OMA1: variants seen among roughly 807,000 people sequenced by gnomAD.
OMA1 encodes the protein OMA1 zinc metallopeptidase.
A neutral mutation model predicts 30.9 loss-of-function variants in OMA1; 38 were observed. That is an observed-to-expected ratio of 1.23 (90% CI 0.95 to 1.61). The LOEUF is 1.61. Among genes scored for constraint, OMA1 ranks in the 40% most tolerant of loss-of-function variants. The pLI, the probability that OMA1 is intolerant of heterozygous loss-of-function variation, is 0.00. For missense variants in OMA1, 461 were observed against 349.2 expected (o/e 1.32, Z -2.55); for synonymous variants, 173 against 121.9 (o/e 1.42, Z -2.76).
At chr1:58,528,302 T>G (rs1646382554) in intron 6 of OMA1, among the ~76,000 whole-genome samples, 1 of 152,240 alleles carries the variant, frequency 6.6e-6, no homozygotes, top group African/African-American at 2.4e-5. Context: ...TAACTTATTG[T>G]TAACCCTGAG....
intron 7 of OMA1, among the ~76,000 whole-genome samples, chr1:58,525,176 T>C (rs1646330322): frequency 6.6e-6 from 1 of 152,194 alleles, no homozygotes; most frequent in South Asian, 2.1e-4. Flanking sequence ...AAGACTAATA[T>C]CTACATGTAT....
chr1:58,500,787 G>A (rs1209859283), intron 8 of OMA1, among the ~76,000 whole-genome samples: 1 of 152,158 alleles, frequency 6.6e-6, no homozygotes, highest in Non-Finnish European at 1.5e-5. Flanking sequence ...GAGAAACAGG[G>A]TTGGTAAGTG....
chr1:58,525,241 A>G (rs952841867), intron 7 of OMA1, among the ~76,000 whole-genome samples: 6 of 152,116 alleles, frequency 3.9e-5, no homozygotes, highest in Non-Finnish European at 7.4e-5. Context: ...TCTAAGCTAC[A>G]TGGTTCACCT....
chr1:58,519,623 A>G (rs1255675072), intron 7 of OMA1, among the ~76,000 whole-genome samples: 2 of 152,218 alleles, frequency 1.3e-5, no homozygotes, highest in Non-Finnish European at 2.9e-5. Context: ...GTTTATATGA[A>G]ACATCCAGCA....
intron 2 of OMA1, among the ~76,000 whole-genome samples, chr1:58,537,101 C>T (rs914784033): frequency 1.3e-5 from 2 of 149,222 alleles, no homozygotes; most frequent in African/African-American, 2.5e-5. Flanking sequence ...TATATATATA[C>T]CATCTCATTT....
At chr1:58,542,973 CA>C (rs1646644436) in intron 1 of OMA1, among the ~76,000 whole-genome samples, 1 of 114,382 alleles carries the variant, frequency 8.7e-6, no homozygotes, top group African/African-American at 2.9e-5. Context: ...GCAAGAACTA[CA>C]AACAAAAAGC....
rs145999889 is a variant in OMA1 at position 58,480,975 on chromosome 1, G to A, written c.1565C>T (p.Thr522Met). The change falls in exon 9 of 9, where the codon ACG becomes ATG. Residue 522 changes from threonine (T) to methionine (M), a missense_variant. Transcript: ENST00000371226. ...IPLTYIVEKR[T>M]GS ...CTCATAAATTTTAATTCAACTGCCC[G>A]TTCTTTTCTCAACTATGTATGTTAA... 372 of 860,726 alleles carry A rather than the reference G, an allele frequency of 4.3e-4. No individual in the cohort carries two copies. Among genetic ancestry groups the A allele is most frequent in the African/African-American group, 2.1e-3 (128 of 60,742 alleles). 53.3% of individuals were successfully genotyped at this position (860,726 alleles called of 1,614,324 possible). A position where few individuals can be genotyped will look rare whatever the true frequency, so the allele number is the denominator to read the frequency against.
intron 2 of OMA1, 69 bp from the exon 3 acceptor site, chr1:58,536,810 T>C (rs12044071): frequency 9.1e-6 from 7 of 771,556 alleles, no homozygotes; most frequent in Non-Finnish European, 1.3e-5. Flanking sequence ...CTCAAATGCA[T>C]ACACTAGAAT....
At chr1:58,492,643 C>A (rs1036584399) in intron 8 of OMA1, among the ~76,000 whole-genome samples, 4 of 152,128 alleles carry the variant, frequency 2.6e-5, no homozygotes, top group African/African-American at 7.2e-5. Flanking sequence ...AACACCTCTA[C>A]ACAAATAAAC....
intron 8 of OMA1, among the ~76,000 whole-genome samples, chr1:58,481,671 T>C (rs1557434443): frequency 6.6e-6 from 1 of 151,428 alleles, no homozygotes; most frequent in Non-Finnish European, 1.5e-5. Flanking sequence ...AAATCTCATC[T>C]TGAATTGCAG....
chr1:58,535,658 G>A (rs1053026096), intron 3 of OMA1, among the ~76,000 whole-genome samples: 2 of 150,516 alleles, frequency 1.3e-5, no homozygotes, highest in Non-Finnish European at 3.0e-5. Context: ...TACTGGACAT[G>A]AATTCGAAAA....
intron 1 of OMA1, 121 bp downstream of exon 1, chr1:58,546,582 G>C (rs1182715953): frequency 6.8e-6 from 1 of 147,462 alleles, no homozygotes; most frequent in South Asian, 2.1e-4. Context: ...CCCACTCCTT[G>C]CCCGGGCGCC....
intron 8 of OMA1, among the ~76,000 whole-genome samples, chr1:58,492,951 G>C (rs1645725238): frequency 2.6e-5 from 4 of 152,072 alleles, no homozygotes; most frequent in Non-Finnish European, 5.9e-5. Flanking sequence ...AAGCCTGGCA[G>C]AGACACAACA....
intron 2 of OMA1, among the ~76,000 whole-genome samples, 153 bp from the exon 3 acceptor site, chr1:58,536,894 T>C (rs1232888269): frequency 6.6e-6 from 1 of 152,202 alleles, no homozygotes; most frequent in Non-Finnish European, 1.5e-5. Flanking sequence ...AATAAAATTC[T>C]TAGCTAAATG....
intron 8 of OMA1, among the ~76,000 whole-genome samples, chr1:58,499,885 T>C (rs943356078): frequency 3.3e-5 from 5 of 151,994 alleles, no homozygotes; most frequent in Admixed American, 6.6e-5. Flanking sequence ...CTAATACACA[T>C]CAGTATTCTG....
intron 8 of OMA1, among the ~76,000 whole-genome samples, chr1:58,483,840 AT>A (rs1280859243): frequency 6.6e-6 from 1 of 152,188 alleles, no homozygotes. Context: ...TTCCTTTACA[AT>A]GATGTTAATT....
chr1:58,500,966 G>A (rs1221170879), intron 8 of OMA1, among the ~76,000 whole-genome samples: 1 of 152,144 alleles, frequency 6.6e-6, no homozygotes, highest in Non-Finnish European at 1.5e-5. Context: ...AGTCTGAACA[G>A]TGTAACTATA....
intron 8 of OMA1, among the ~76,000 whole-genome samples, chr1:58,502,157 A>T (rs1645917571): frequency 6.6e-6 from 1 of 152,236 alleles, no homozygotes; most frequent in Admixed American, 6.5e-5. Flanking sequence ...TATGCAAGGG[A>T]TCCAATAAGA....
chr1:58,491,423 T>C (rs1479610161), intron 8 of OMA1, among the ~76,000 whole-genome samples: 2 of 152,088 alleles, frequency 1.3e-5, no homozygotes, highest in African/African-American at 2.4e-5. Flanking sequence ...AATATTAACC[T>C]TAAATGTAAA....
Sources: gnomAD v4.1 joint callset for allele counts (sites outside exome capture counted in the v4.1 genomes callset) on GRCh38, gnomAD v4.1.1 for gene constraint, MANE v1.5 for transcripts, NCBI Gene and HGNC (gene_info 2026-07-23, HGNC 2026-07-21) for gene names.